TAF1: variants seen among roughly 807,000 people sequenced by gnomAD.
TAF1 encodes the protein TATA-box binding protein associated factor 1.
Under a neutral mutation model 138.5 loss-of-function variants are expected in TAF1, and 2 were observed. That is an observed-to-expected ratio of 0.01 (90% confidence interval 0.01 to 0.05). The LOEUF (loss-of-function observed/expected upper bound fraction) is 0.05, where lower values mean the gene tolerates loss of function less well. Ranked by LOEUF, TAF1 falls within the 10% of genes least tolerant of loss-of-function variation. The pLI, the probability that TAF1 is intolerant of heterozygous loss-of-function variation, is 1.00. For missense variants in TAF1, 709 were observed against 1,478.0 expected (o/e 0.48, Z 8.53); for synonymous variants, 437 against 503.2 (o/e 0.87, Z 1.76).
chrX:71,429,852 G>A (rs1020175828), intron 32 of TAF1, among the ~76,000 whole-genome samples: 2 of 110,739 alleles, frequency 1.8e-5, no homozygotes, highest in South Asian at 7.8e-4. Flanking sequence ...CACGGGTAAA[G>A]GATAGAGATT....
intron 25 of TAF1, among the ~76,000 whole-genome samples, chrX:71,403,525 C>T (rs1028369628): frequency 2.7e-5 from 3 of 111,744 alleles, no homozygotes; most frequent in Non-Finnish European, 5.6e-5. Context: ...GGTTTTCCCA[C>T]TGTTTTGATC....
chrX:71,484,305 T>G (rs756197582), intron 13 of TAF1, among the ~76,000 whole-genome samples: 75 of 111,394 alleles, frequency 6.7e-4, no homozygotes, highest in African/African-American at 2.4e-3. Context: ...TTAATTACTA[T>G]GCATTTAATT....
rs1238466522 is a variant in TAF1 at position 71,496,086 on chromosome X, C to T, written c.1367-32456C>T. Among the ~76,000 whole-genome samples the T allele has an allele frequency of 2.7e-5, 3 of 112,325 alleles. No individual in the cohort carries two copies. The Admixed American group carries it at 2.8e-4, about 11-fold the overall frequency. ...CTCACATGTTTGAGCAGACCAATTACTGGGCAATTTTCCTAATTCTGCTTC... is the reference window on the plus strand; with the variant it reads ...CTCACATGTTTGAGCAGACCAATTATTGGGCAATTTTCCTAATTCTGCTTC... On this transcript the variant is annotated intron_variant and NMD_transcript_variant, in intron 13 of 14. Coordinates refer to the TAF1 transcript ENST00000373775.
intron 13 of TAF1, among the ~76,000 whole-genome samples, chrX:71,518,667 A>G (rs1398155111): frequency 1.0e-5 from 1 of 97,392 alleles, no homozygotes; most frequent in Non-Finnish European, 2.1e-5. Flanking sequence ...ATGTATACTT[A>G]TTACAAAATT....
At chrX:71,507,197 A>C (rs1276064674) in intron 13 of TAF1, among the ~76,000 whole-genome samples, 1 of 111,549 alleles carries the variant, frequency 9.0e-6, no homozygotes, top group Non-Finnish European at 1.9e-5. Context: ...TGAATTATAC[A>C]CTTTCAAATG....
At chrX:71,480,270 C>A in intron 13 of TAF1, among the ~76,000 whole-genome samples, 1 of 110,876 alleles carries the variant, frequency 9.0e-6, no homozygotes, top group Non-Finnish European at 1.9e-5. Context: ...TGGCATATAC[C>A]TGTAGTCCCA....
At chrX:71,483,803 T>TATATATATATATATATATAC (rs1290090578) in intron 13 of TAF1, among the ~76,000 whole-genome samples, 5 of 92,878 alleles carry the variant, frequency 5.4e-5, no homozygotes, top group African/African-American at 2.1e-4. Flanking sequence ...TATATATATA[T>TATATATATATATATATATAC]ACACACACAT....
At chrX:71,395,051 G>A (rs1391859131) in intron 22 of TAF1, among the ~76,000 whole-genome samples, 2 of 112,035 alleles carry the variant, frequency 1.8e-5, no homozygotes, top group African/African-American at 6.5e-5. Context: ...CTCAGAAGGA[G>A]TCTTAGACCA....
At chrX:71,467,616 T>C (rs1396401364), downstream of TAF1, among the ~76,000 whole-genome samples, 1 of 111,916 alleles carries the variant, frequency 8.9e-6, no homozygotes, top group Non-Finnish European at 1.9e-5. Context: ...AAAAACATTT[T>C]TGTAGGTCAA....
At chrX:71,448,058 G>A (rs908724803) in intron 32 of TAF1, among the ~76,000 whole-genome samples, 2 of 111,969 alleles carry the variant, frequency 1.8e-5, no homozygotes, top group Middle Eastern at 4.6e-3. Context: ...TCGTGAGTGG[G>A]TAGCTTATTC....
At chrX:71,523,985 T>G (rs756333098) in intron 13 of TAF1, among the ~76,000 whole-genome samples, 1 of 109,270 alleles carries the variant, frequency 9.2e-6, no homozygotes, top group Non-Finnish European at 1.9e-5. Flanking sequence ...AATGTCTGCA[T>G]CAATTTGAGA....
chrX:71,423,046 G>A, intron 29 of TAF1, 71 bp from the exon 30 acceptor site: 1 of 1,188,198 alleles, frequency 8.4e-7, no homozygotes, highest in South Asian at 1.8e-5. Context: ...CCGGCAAATT[G>A]TCCTTAACTT....
Position 71,431,053 on chromosome X carries a change from C to T in TAF1, c.4753+6815C>T, listed in dbSNP as rs1040702978. Among the ~76,000 whole-genome samples the T allele has an allele frequency of 5.8e-4, 46 of 79,703 alleles. 1 individual carries two copies. Among genetic ancestry groups the T allele is most frequent in the Non-Finnish European group, 1.6e-4 (7 of 44,661 alleles). The allele number at this position is 79,703 out of a possible 115,157, so 69.2% of individuals were successfully genotyped here. A position where few individuals can be genotyped will look rare whatever the true frequency, so the allele number is the denominator to read the frequency against. ...TTTTTGAGACAGAATCTTGCTCTGT[C>T]GCCCAGGCTGGAGTGCAGTGGTGCG... On this transcript the variant is annotated intron_variant, in intron 32 of 37. Coordinates refer to ENST00000423759, the MANE Select transcript of TAF1 (RefSeq NM_004606.5).
chrX:71,392,538 A>G (rs755535554), intron 18 of TAF1, 31 bp from the exon 19 acceptor site: 1 of 1,132,595 alleles, frequency 8.8e-7, no homozygotes, highest in Non-Finnish European at 1.2e-6. Flanking sequence ...AATGTTTCCC[A>G]CTGCCCTGAG....
Position 71,367,582 on chromosome X carries a change from C to G in TAF1, c.204C>G (p.Thr68=), listed in dbSNP as rs765120366. 1.2e-5 allele frequency: 15 copies of G among 1,211,397 alleles called. No homozygotes were observed. In the Admixed American group the frequency reaches 1.5e-4, roughly 12 times the overall value. Residue 68 remains threonine (T), a synonymous_variant, in exon 2 of 38, where the codon ACC becomes ACG. Transcript: ENST00000423759. The part of the protein sequence containing the change: ...ITELTANEEL[T]GTDGALVNDE... ...AACTCACGGCAAATGAAGAATTGAC[C>G]GGGACTGACGGTGCCTTGGTAAATG...
intron 14 of TAF1, chrX:71,529,592 T>G (rs1237589873): frequency 3.5e-6 from 1 of 287,092 alleles, no homozygotes; most frequent in Non-Finnish European, 6.7e-6. Context: ...TCTAAAGGCA[T>G]AGAATACTGA....
chrX:71,505,020 A>G (rs1222594210), intron 13 of TAF1, among the ~76,000 whole-genome samples: 1 of 107,803 alleles, frequency 9.3e-6, no homozygotes, highest in African/African-American at 3.4e-5. Flanking sequence ...GGTCCCAACT[A>G]CTTGGGAGGC....
At chrX:71,497,002 T>C (rs1379385572) in intron 13 of TAF1, among the ~76,000 whole-genome samples, 2 of 112,508 alleles carry the variant, frequency 1.8e-5, no homozygotes, top group Non-Finnish European at 3.8e-5. Context: ...ATAAGCATAC[T>C]TGCTATCTGT....
downstream of TAF1, among the ~76,000 whole-genome samples, chrX:71,466,914 A>T (rs1362860519): frequency 9.0e-6 from 1 of 111,116 alleles, no homozygotes; most frequent in East Asian, 2.8e-4. Context: ...CAAGTTTAAT[A>T]AAAAGTGATC....
Sources: allele counts gnomAD v4.1 joint callset (sites outside exome capture counted in the v4.1 genomes callset), GRCh38; gene constraint gnomAD v4.1.1; transcripts MANE v1.5; gene names NCBI Gene and HGNC (gene_info 2026-07-23, HGNC 2026-07-21).